PACRG: variants seen among roughly 807,000 people sequenced by gnomAD.
PACRG encodes the protein parkin coregulated gene protein.
PACRG carries 29 observed loss-of-function variants against 29.7 expected under a neutral mutation model. The ratio of observed to expected loss-of-function variants is 0.98; its 90% CI spans 0.73 to 1.33. The LOEUF (loss-of-function observed/expected upper bound fraction) is 1.33. Among genes scored for constraint, PACRG ranks in the 40% most tolerant of loss-of-function variants. PACRG has a pLI of 0.00. For missense variants in PACRG, 279 were observed against 316.2 expected (o/e 0.88, Z 0.89); for synonymous variants, 116 against 118.7 (o/e 0.98, Z 0.15).
intron 2 of PACRG, among the ~76,000 whole-genome samples, chr6:162,955,771 G>C (rs1183104400): frequency 6.6e-6 from 1 of 152,200 alleles, no homozygotes; most frequent in Non-Finnish European, 1.5e-5. Context: ...TTACAGTCTT[G>C]GTGTCCAAGG....
At position 162,789,029 on chromosome 6, in the gene PACRG, A is replaced by G. The variant is rs114953634; in HGVS notation, c.157-25118A>G. Reference sequence around the variant, plus strand: ...CAGGCCACAGCCATGAAAATAATAAATCCTAACCACTAGACCAGGGAGTGC... The same window carrying G: ...CAGGCCACAGCCATGAAAATAATAAGTCCTAACCACTAGACCAGGGAGTGC... On this transcript the variant is annotated intron_variant, in intron 1 of 4. Transcript: ENST00000366888. Among the ~76,000 whole-genome samples the G allele has an allele frequency of 6.1e-3, 932 of 152,292 alleles. 15 individuals are homozygous for G. The highest frequency in any genetic ancestry group is 0.022 in the African/African-American group (905 of 41,560).
chr6:162,986,959 A>G (rs1802955894), intron 2 of PACRG, among the ~76,000 whole-genome samples: 1 of 151,476 alleles, frequency 6.6e-6, no homozygotes, highest in Non-Finnish European at 1.5e-5. Context: ...TTGGCTTTCA[A>G]CTTTCTCTGG....
intron 4 of PACRG, among the ~76,000 whole-genome samples, chr6:163,115,904 C>A (rs934112347): frequency 1.3e-5 from 2 of 152,162 alleles, no homozygotes; most frequent in African/African-American, 4.8e-5. Context: ...CTAACAGAAG[C>A]GAGCCACTTC....
chr6:163,027,888 T>C (rs1240248493), intron 2 of PACRG, among the ~76,000 whole-genome samples: 1 of 152,212 alleles, frequency 6.6e-6, no homozygotes, highest in African/African-American at 2.4e-5. Context: ...AGCATCTCTT[T>C]TCCAGTGGTA....
intron 2 of PACRG, among the ~76,000 whole-genome samples, chr6:163,026,087 C>CTA (rs1430740993): frequency 6.6e-6 from 1 of 152,172 alleles, no homozygotes; most frequent in African/African-American, 2.4e-5. Flanking sequence ...CCAGTTCAAC[C>CTA]TATACTATAA....
intron 2 of PACRG, among the ~76,000 whole-genome samples, chr6:162,838,614 T>C (rs1397149120): frequency 6.6e-6 from 1 of 152,132 alleles, no homozygotes; most frequent in Admixed American, 6.5e-5. Flanking sequence ...TATTATACTT[T>C]AAGTTTTAGG....
chr6:162,808,645 A>G lies in PACRG; in HGVS notation c.157-5502A>G, dbSNP rs1786565481. Reference sequence around the variant, plus strand: ...TATTCTGTCATCTGTAGTTATTTCAAACTGCATTCAATATCTTGGTTCCCA... The same window carrying G: ...TATTCTGTCATCTGTAGTTATTTCAGACTGCATTCAATATCTTGGTTCCCA... On this transcript the variant is annotated intron_variant, in intron 1 of 4. Transcript: ENST00000366888. 2.0e-5 allele frequency among the ~76,000 whole-genome samples: 3 copies of G among 152,250 alleles called. No homozygotes were observed. In the South Asian group the frequency reaches 6.2e-4, roughly 32 times the overall value.
At chr6:163,072,653 A>G (rs1225875628) in intron 3 of PACRG, among the ~76,000 whole-genome samples, 2 of 152,180 alleles carry the variant, frequency 1.3e-5, no homozygotes, top group Non-Finnish European at 2.9e-5. Context: ...AAATGGGAAA[A>G]GAAGAAGTCA....
At chr6:163,121,944 G>C (rs559770410) in intron 4 of PACRG, among the ~76,000 whole-genome samples, 1 of 151,898 alleles carries the variant, frequency 6.6e-6, no homozygotes, top group African/African-American at 2.4e-5. Context: ...TTACAGGTGT[G>C]AGCCACCACG....
At chr6:163,123,508 T>G (rs1050933529) in intron 4 of PACRG, among the ~76,000 whole-genome samples, 1 of 152,228 alleles carries the variant, frequency 6.6e-6, no homozygotes, top group African/African-American at 2.4e-5. Flanking sequence ...AAATTATTTC[T>G]TAATAACTCC....
At chr6:163,042,255 A>C (rs908588533) in intron 2 of PACRG, among the ~76,000 whole-genome samples, 2 of 152,198 alleles carry the variant, frequency 1.3e-5, no homozygotes, top group Non-Finnish European at 2.9e-5. Context: ...CACAAAGTCC[A>C]GAGAGCCAGG....
rs1232720129 is a variant in PACRG at position 162,906,173 on chromosome 6, C to CA, written c.291+91899dup. Among the ~76,000 whole-genome samples the CA allele has an allele frequency of 2.6e-5, 4 of 151,450 alleles. No individual in the cohort carries two copies. The East Asian group carries it at 5.8e-4, about 22-fold the overall frequency. On this transcript the variant is annotated intron_variant, in intron 2 of 4. Transcript: ENST00000366888. ...TAATAATGATTTTTTGTGTGTGTTC[C>CA]AAAAAAAGGAATTAAAATAATTACT...
At chr6:163,164,515 C>T (rs1048156158) in intron 4 of PACRG, among the ~76,000 whole-genome samples, 3 of 152,334 alleles carry the variant, frequency 2.0e-5, no homozygotes, top group Admixed American at 6.5e-5. Context: ...TAAGGGACCT[C>T]GGGCTCTTCC....
chr6:163,020,218 A>T (rs1337210221), intron 2 of PACRG, among the ~76,000 whole-genome samples: 1 of 152,372 alleles, frequency 6.6e-6, no homozygotes, highest in African/African-American at 2.4e-5. Context: ...TAATTAAAAC[A>T]GTTTTGATAA....
intron 2 of PACRG, among the ~76,000 whole-genome samples, chr6:162,958,066 GT>G (rs1236554169): frequency 6.6e-6 from 1 of 152,112 alleles, no homozygotes; most frequent in Non-Finnish European, 1.5e-5. Context: ...ATAATAAGAT[GT>G]TTGACTACAT....
intron 2 of PACRG, among the ~76,000 whole-genome samples, chr6:162,910,048 G>C (rs535468981): frequency 6.6e-6 from 1 of 152,322 alleles, no homozygotes; most frequent in Admixed American, 6.5e-5. Flanking sequence ...TCACTTACCA[G>C]TTGTGTAACT....
At chr6:163,265,428 G>C (rs1294473421) in intron 4 of PACRG, among the ~76,000 whole-genome samples, 1 of 152,142 alleles carries the variant, frequency 6.6e-6, no homozygotes, top group Non-Finnish European at 1.5e-5. Flanking sequence ...GGGCCCGTGG[G>C]TATTTGTTTT....
At chr6:163,186,509 G>A (rs1435646990) in intron 4 of PACRG, among the ~76,000 whole-genome samples, 1 of 152,138 alleles carries the variant, frequency 6.6e-6, no homozygotes, top group Non-Finnish European at 1.5e-5. Context: ...GTGGTGGAGA[G>A]GCCTGTTTTG....
chr6:163,260,690 G>A (rs1412722058), intron 4 of PACRG, among the ~76,000 whole-genome samples: 5 of 152,168 alleles, frequency 3.3e-5, no homozygotes, highest in African/African-American at 1.2e-4. Context: ...AAGACAATCC[G>A]CTGCCCTCGT....
Sources: allele counts gnomAD v4.1 joint callset (sites outside exome capture counted in the v4.1 genomes callset), GRCh38; gene constraint gnomAD v4.1.1; transcripts MANE v1.5; gene names NCBI Gene and HGNC (gene_info 2026-07-23, HGNC 2026-07-21).